The following FBXL13 variants were observed in gnomAD, a reference collection of about 807,000 sequenced individuals.
FBXL13 encodes the protein F-box and leucine-rich repeat protein 13.
In FBXL13, 67 loss-of-function variants were observed where a neutral mutation model predicts 83.6. The ratio of observed to expected loss-of-function variants is 0.80; its 90% CI spans 0.66 to 0.98. The LOEUF is 0.98. Ranked by LOEUF, FBXL13 falls within the 50% of genes least tolerant of loss-of-function variation. FBXL13 has a pLI of 0.00. For missense variants in FBXL13, 822 were observed against 866.5 expected (o/e 0.95, Z 0.64); for synonymous variants, 272 against 299.5 (o/e 0.91, Z 0.95).
intron 11 of FBXL13, among the ~76,000 whole-genome samples, chr7:102,912,675 C>CT (rs1160286631): frequency 1.5e-5 from 2 of 130,310 alleles, no homozygotes; most frequent in Non-Finnish European, 1.7e-5. Flanking sequence ...CATTTTACCC[C>CT]CCCCCCCCCA....
At chr7:102,886,403 G>A (rs913143495) in intron 11 of FBXL13, among the ~76,000 whole-genome samples, 5 of 152,134 alleles carry the variant, frequency 3.3e-5, no homozygotes, top group African/African-American at 1.2e-4. Flanking sequence ...CCAAGGTTCT[G>A]TCATCAGAGC....
intron 11 of FBXL13, among the ~76,000 whole-genome samples, chr7:102,893,974 G>C (rs201369497): frequency 0.041 from 3,756 of 91,814 alleles, 141 homozygotes; most frequent in East Asian, 0.25. Context: ...GAGAAAGAAA[G>C]AAAGAAAGAG....
At chr7:102,925,492 C>T (rs1373059574) in intron 10 of FBXL13, among the ~76,000 whole-genome samples, 2 of 152,126 alleles carry the variant, frequency 1.3e-5, no homozygotes, top group East Asian at 3.9e-4. Flanking sequence ...AAGCAATATT[C>T]ACGTCCAATG....
intron 8 of FBXL13, among the ~76,000 whole-genome samples, chr7:102,943,351 C>T (rs1478959309): frequency 1.4e-5 from 2 of 146,604 alleles, no homozygotes; most frequent in Non-Finnish European, 3.0e-5. Flanking sequence ...AAAAAAAAAG[C>T]CCAAAATACA....
chr7:102,831,941 G>C (rs1300134505), intron 18 of FBXL13, among the ~76,000 whole-genome samples: 1 of 152,030 alleles, frequency 6.6e-6, no homozygotes, highest in Non-Finnish European at 1.5e-5. Context: ...TCTTTACATG[G>C]AGATATGTCC....
chr7:102,862,486 T>C (rs1179279575), intron 16 of FBXL13, among the ~76,000 whole-genome samples: 1 of 152,206 alleles, frequency 6.6e-6, no homozygotes, highest in Non-Finnish European at 1.5e-5. Context: ...TATTGAATAT[T>C]TTTGTGTATC....
intron 16 of FBXL13, among the ~76,000 whole-genome samples, chr7:102,876,023 G>A (rs1388921469): frequency 6.6e-6 from 1 of 152,192 alleles, no homozygotes. Flanking sequence ...ACTTGTGTGA[G>A]TCACCCTGTA....
Position 102,944,283 on chromosome 7 carries a change from C to T in FBXL13, c.725-12350G>A, listed in dbSNP as rs561044522. 41 of 1,613,546 alleles carry T rather than the reference C, an allele frequency of 2.5e-5. No individual in the cohort carries two copies. In the South Asian group the frequency reaches 2.7e-4, roughly 11 times the overall value. ...ACAGTCTGCAAAACTTTGACTATGGCGTATTAGAAGACTTGTATTTTTTGA... is the reference window on the plus strand; with the variant it reads ...ACAGTCTGCAAAACTTTGACTATGGTGTATTAGAAGACTTGTATTTTTTGA... On this transcript the variant is annotated intron_variant, in intron 8 of 19. Coordinates refer to ENST00000313221, the Ensembl canonical transcript of FBXL13.
intron 11 of FBXL13, among the ~76,000 whole-genome samples, chr7:102,886,129 T>A (rs1810763178): frequency 6.6e-6 from 1 of 152,202 alleles, no homozygotes; most frequent in African/African-American, 2.4e-5. Flanking sequence ...GATCAAAATA[T>A]TTGCCTATAA....
At chr7:103,060,063 T>TATATATATAC (rs1429819167) in intron 1 of FBXL13, among the ~76,000 whole-genome samples, 3 of 115,238 alleles carry the variant, frequency 2.6e-5, no homozygotes, top group African/African-American at 9.3e-5. Context: ...TATATATATA[T>TATATATATAC]ACTTTTTTTT....
At chr7:102,986,024 C>A (rs914331674) in intron 6 of FBXL13, among the ~76,000 whole-genome samples, 3 of 151,880 alleles carry the variant, frequency 2.0e-5, no homozygotes, top group African/African-American at 4.8e-5. Context: ...GATGCCCCCC[C>A]CCCATCAATA....
intron 17 of FBXL13, among the ~76,000 whole-genome samples, chr7:102,839,165 G>C (rs976098512): frequency 6.6e-6 from 1 of 152,212 alleles, no homozygotes; most frequent in Non-Finnish European, 1.5e-5. Flanking sequence ...TGGGTGGAGA[G>C]AAGCAAAAAT....
At chr7:102,957,208 C>A (rs573729910) in intron 8 of FBXL13, among the ~76,000 whole-genome samples, 1 of 152,160 alleles carries the variant, frequency 6.6e-6, no homozygotes, top group African/African-American at 2.4e-5. Flanking sequence ...TGGAACAGAA[C>A]AGAGGCCTCA....
At chr7:102,869,535 C>CA (rs1256619752) in intron 16 of FBXL13, among the ~76,000 whole-genome samples, 1 of 151,982 alleles carries the variant, frequency 6.6e-6, no homozygotes, top group Non-Finnish European at 1.5e-5. Flanking sequence ...AGGTACCATC[C>CA]AAAAAAATCT....
chr7:102,871,596 T>C (rs1049259291), intron 16 of FBXL13, among the ~76,000 whole-genome samples: 37 of 151,738 alleles, frequency 2.4e-4, no homozygotes, highest in African/African-American at 8.7e-4. Context: ...TTGTGTCACG[T>C]TGGCCAAGCT....
At chr7:103,060,266 T>C (rs142077968) in intron 1 of FBXL13, among the ~76,000 whole-genome samples, 2 of 151,602 alleles carry the variant, frequency 1.3e-5, no homozygotes, top group Non-Finnish European at 2.9e-5. Context: ...TTGCCCAGGC[T>C]AGTCCTGAAC....
intron 17 of FBXL13, among the ~76,000 whole-genome samples, chr7:102,834,088 A>AAGGGAG (rs1562925880): frequency 3.2e-5 from 2 of 61,748 alleles, no homozygotes; most frequent in African/African-American, 6.9e-5. Flanking sequence ...AAGGAAAGAA[A>AAGGGAG]AGAAAGAAAG....
chr7:103,017,102 G>A (rs573018727), intron 6 of FBXL13, among the ~76,000 whole-genome samples: 6 of 152,104 alleles, frequency 3.9e-5, no homozygotes, highest in East Asian at 1.9e-4. Flanking sequence ...CACTTCACAC[G>A]GCTGGGTACC....
chr7:102,860,031 G>A (rs149976950), intron 16 of FBXL13, among the ~76,000 whole-genome samples: 5 of 152,264 alleles, frequency 3.3e-5, no homozygotes, highest in South Asian at 2.1e-4. Flanking sequence ...AAGTGGCTTC[G>A]TTATAGCTCC....
Sources: allele counts gnomAD v4.1 joint callset (sites outside exome capture counted in the v4.1 genomes callset), GRCh38; gene constraint gnomAD v4.1.1; transcripts MANE v1.5; gene names NCBI Gene and HGNC (gene_info 2026-07-23, HGNC 2026-07-21).